CCND3: variants seen among roughly 807,000 people sequenced by gnomAD.
CCND3 encodes cyclin D3.
Under a neutral mutation model 28.7 loss-of-function variants are expected in CCND3, and 9 were observed. The ratio of observed to expected loss-of-function variants is 0.31; its 90% confidence interval spans 0.19 to 0.55. The LOEUF (loss-of-function observed/expected upper bound fraction) is 0.55, where lower values mean the gene tolerates loss of function less well. Among genes scored for constraint, CCND3 ranks in the 20% least tolerant of loss-of-function variants. CCND3 has a pLI of 0.93. For synonymous variants in CCND3, 164 were observed against 163.9 expected (o/e 1.00, Z 0.00); for missense variants, 315 against 385.8 (o/e 0.82, Z 1.54).
upstream of CCND3, among the ~76,000 whole-genome samples, chr6:41,942,638 G>A (rs1306943356): frequency 6.6e-6 from 1 of 152,086 alleles, no homozygotes; most frequent in Non-Finnish European, 1.5e-5. Context: ...GATTCTCATT[G>A]AATCAGTTTC....
intron 1 of CCND3, among the ~76,000 whole-genome samples, chr6:41,962,166 T>G (rs549553631): frequency 1.3e-5 from 2 of 152,038 alleles, no homozygotes; most frequent in South Asian, 4.1e-4. Context: ...AGTGGCACGA[T>G]ATCGGCTCAC....
chr6:42,046,490 C>T (rs1242478099), intron 1 of CCND3, among the ~76,000 whole-genome samples: 1 of 152,198 alleles, frequency 6.6e-6, no homozygotes, highest in Non-Finnish European at 1.5e-5. Flanking sequence ...TCTTGGTTTC[C>T]CAAATCCCCA....
At chr6:42,024,458 G>A (rs1197111644) in intron 1 of CCND3, among the ~76,000 whole-genome samples, 1 of 152,016 alleles carries the variant, frequency 6.6e-6, no homozygotes, top group Non-Finnish European at 1.5e-5. Flanking sequence ...TGTGGAAGAG[G>A]CAGAGGGGTT....
At chr6:41,941,971 C>T (rs1002801439), upstream of CCND3, 3 of 167,034 alleles carry the variant, frequency 1.8e-5, no homozygotes, top group Non-Finnish European at 3.9e-5. This position sits in a 1 kb window ranked among gnomAD's most constrained non-coding sequence, Gnocchi z 6.1. Flanking sequence ...CGGCCGGCTT[C>T]CGGGCACTCC....
intron 1 of CCND3, 109 bp from the exon 2 acceptor site, chr6:41,940,694 G>A: frequency 2.5e-6 from 2 of 815,222 alleles, no homozygotes; most frequent in Non-Finnish European, 2.1e-6. Flanking sequence ...CGGCAGAGAG[G>A]GTAAGCTACT....
chr6:41,943,465 A>G (rs572419398), upstream of CCND3, among the ~76,000 whole-genome samples: 7 of 152,370 alleles, frequency 4.6e-5, 1 homozygote, highest in African/African-American at 1.7e-4. Context: ...TAATAGGGAC[A>G]TAATATACCA....
At chr6:41,957,023 TC>T (rs1389836220) in intron 1 of CCND3, among the ~76,000 whole-genome samples, 1 of 152,112 alleles carries the variant, frequency 6.6e-6, no homozygotes, top group Non-Finnish European at 1.5e-5. Flanking sequence ...AGAATGAGAC[TC>T]CGTCTCAAAA....
chr6:41,941,050 C>G lies in CCND3; in HGVS notation c.198+402G>C. 1 of 1,595,058 alleles carries G rather than the reference C, an allele frequency of 6.3e-7. No homozygotes were observed. Among genetic ancestry groups the G allele is most frequent in the South Asian group, 1.1e-5 (1 of 89,476 alleles). On this transcript the variant is annotated intron_variant, in intron 1 of 4. Coordinates refer to ENST00000372991, the MANE Select transcript of CCND3 (RefSeq NM_001760.5). This position sits in a 1 kb window ranked among gnomAD's most constrained non-coding sequence, Gnocchi z 6.1. ...GCGCCACCCCCATCGCCTTCCCCGC[C>G]AGAACCCCGCGAAAGACACAGGAAC...
intron 1 of CCND3, among the ~76,000 whole-genome samples, chr6:42,002,536 T>A (rs1325572123): frequency 6.6e-6 from 1 of 151,172 alleles, no homozygotes; most frequent in South Asian, 2.1e-4. Context: ...TACAGGGAAA[T>A]ATATAGCCTT....
chr6:41,962,391 C>T (rs1002908960), intron 1 of CCND3, among the ~76,000 whole-genome samples: 9 of 152,120 alleles, frequency 5.9e-5, no homozygotes, highest in Non-Finnish European at 1.2e-4. Flanking sequence ...TGAGCCACTG[C>T]GCCTGGCTGC....
chr6:41,936,213 T>C lies in CCND3; in HGVS notation c.712-106A>G, dbSNP rs1775789941. 5.6e-6 allele frequency: 7 copies of C among 1,256,826 alleles called. No homozygotes were observed. In the South Asian group the frequency reaches 7.4e-5, roughly 13 times the overall value. The allele number at this position is 1,256,826 out of a possible 1,614,324, so 77.9% of individuals were successfully genotyped here. On this transcript the variant is annotated intron_variant, in intron 4 of 4. Transcript: ENST00000372991. The surrounding 1 kb of genome is among the most constrained non-coding windows in gnomAD (Gnocchi z 4.4). ...AACACATGGGGAAGTCTGGGGAGGT[T>C]AGGCCACAGCCCGGCCCCAGGAATC...
chr6:42,020,065 T>A (rs1582170630), intron 1 of CCND3, among the ~76,000 whole-genome samples: 2 of 152,182 alleles, frequency 1.3e-5, no homozygotes. Context: ...GATCACAAGG[T>A]CAGGAGATCG....
chr6:41,958,613 T>C (rs1776496611), intron 1 of CCND3, among the ~76,000 whole-genome samples: 1 of 152,196 alleles, frequency 6.6e-6, no homozygotes, highest in Non-Finnish European at 1.5e-5. Flanking sequence ...CTAATTTACC[T>C]TTACTTGATT....
chr6:41,994,395 T>C (rs930012565), intron 1 of CCND3, among the ~76,000 whole-genome samples: 50 of 152,232 alleles, frequency 3.3e-4, no homozygotes, highest in African/African-American at 1.1e-3. Flanking sequence ...TGATGCATGA[T>C]TGTAGATGAC....
chr6:42,045,870 C>T (rs1241740290), intron 1 of CCND3, among the ~76,000 whole-genome samples: 2 of 152,082 alleles, frequency 1.3e-5, no homozygotes, highest in African/African-American at 4.8e-5. Context: ...ACAACCTGTT[C>T]TCCACAGCCA....
chr6:41,988,722 G>A lies in CCND3; in HGVS notation c.-45-48137C>T, dbSNP rs1192393438. Among the ~76,000 whole-genome samples the A allele has an allele frequency of 1.8e-4, 25 of 138,188 alleles. 1 individual carries two copies. The highest frequency in any genetic ancestry group is 9.0e-4 in the Admixed American group (12 of 13,300). 90.7% of individuals were successfully genotyped at this position (138,188 alleles called of 152,430 possible). A position where few individuals can be genotyped will look rare whatever the true frequency, so the allele number is the denominator to read the frequency against. On this transcript the variant is annotated intron_variant, in intron 1 of 4. Transcript: ENST00000372988. The stretch of plus-strand genomic sequence containing the variant: ...TTCTTTTTTTTTTTTTTTTTGAGAC[G>A]GAGTCTGGCTCTGTCGCCCAGGCTG...
At chr6:42,015,693 A>G (rs4714548) in intron 1 of CCND3, among the ~76,000 whole-genome samples, 120,774 of 151,440 alleles carry the variant, frequency 0.8, 48,596 homozygotes, top group Non-Finnish European at 0.85. Flanking sequence ...CTGGGCAACA[A>G]AGCAAGACTC....
intron 1 of CCND3, among the ~76,000 whole-genome samples, chr6:41,978,643 G>A (rs1762246712): frequency 1.3e-5 from 2 of 152,070 alleles, no homozygotes; most frequent in Non-Finnish European, 2.9e-5. Context: ...GGGAAGTGTG[G>A]TGCTGATGTG....
intron 1 of CCND3, among the ~76,000 whole-genome samples, chr6:41,987,474 CTT>C (rs1491447003): frequency 0.11 from 13,210 of 119,474 alleles, 738 homozygotes; most frequent in East Asian, 0.23. Flanking sequence ...ATGGACCAGG[CTT>C]TTCTCTCTCT....
Sources: gnomAD v4.1 joint callset for allele counts (sites outside exome capture counted in the v4.1 genomes callset) on GRCh38, gnomAD v4.1.1 for gene constraint, Gnocchi (gnomAD v3.1) non-coding constraint, MANE v1.5 for transcripts, NCBI Gene and HGNC (gene_info 2026-07-23, HGNC 2026-07-21) for gene names.